The following HK2 variants were observed in gnomAD, a reference collection of about 807,000 sequenced individuals.
HK2 encodes hexokinase 2, also known as hexokinase-2.
A neutral mutation model predicts 92.9 loss-of-function variants in HK2; 42 were observed. That is an observed-to-expected ratio of 0.45 (90% CI 0.35 to 0.58). The LOEUF (loss-of-function observed/expected upper bound fraction) is 0.58. Ranked by LOEUF, HK2 falls within the 20% of genes least tolerant of loss-of-function variation. The pLI, the probability that HK2 is intolerant of heterozygous loss-of-function variation, is 0.00. For synonymous variants in HK2, 422 were observed against 468.0 expected, an observed-to-expected ratio of 0.90 and a Z score of 1.27; for missense variants, 978 against 1,245.1, an observed-to-expected ratio of 0.79 and a Z score of 3.23.
chr2:74,840,251 G>A (rs1257250690), intron 1 of HK2, among the ~76,000 whole-genome samples: 1 of 150,898 alleles, frequency 6.6e-6, no homozygotes, highest in Non-Finnish European at 1.5e-5. Context: ...GAGCCACCGC[G>A]CCAGGCATTT....
intron 2 of HK2, among the ~76,000 whole-genome samples, chr2:74,863,548 C>T (rs1039734958): frequency 2.0e-5 from 3 of 152,150 alleles, no homozygotes; most frequent in South Asian, 2.1e-4. Context: ...GTGATCATGG[C>T]GATTCCGGGT....
At chr2:74,875,402 C>T (rs940362360) in intron 7 of HK2, among the ~76,000 whole-genome samples, 18 of 144,566 alleles carry the variant, frequency 1.2e-4, no homozygotes, top group African/African-American at 4.3e-4. Context: ...AATCTTGGCT[C>T]ACCGCAATCT....
At chr2:74,862,650 T>G (rs1688856862) in intron 2 of HK2, among the ~76,000 whole-genome samples, 1 of 152,196 alleles carries the variant, frequency 6.6e-6, no homozygotes, top group African/African-American at 2.4e-5. Flanking sequence ...CATCCAGAGC[T>G]AGCACACAGC....
In HK2 at chr2:74,873,378, G is replaced by A. The variant is rs754005653; in HGVS notation, c.591+7G>A. 1.2e-5 allele frequency: 19 copies of A among 1,606,550 alleles called. No homozygotes were observed. Among genetic ancestry groups the A allele is most frequent in the East Asian group, 1.1e-4 (5 of 44,824 alleles). ...GGCCATCCAGAGGAGAGGGGTGAGT[G>A]GGGTGGCAGGAGCTTGGGGTCTGTG... is the stretch of plus-strand genomic sequence containing the variant. On this transcript the variant is annotated splice_region_variant and intron_variant, in intron 5 of 17. Transcript: ENST00000290573.
intron 1 of HK2, among the ~76,000 whole-genome samples, chr2:74,840,691 C>T (rs2103834108): frequency 7.2e-6 from 1 of 138,014 alleles, no homozygotes; most frequent in Middle Eastern, 3.6e-3. Flanking sequence ...CACGGTGAAA[C>T]CCCGTCTCTA....
chr2:74,847,964 T>C (rs943846275), intron 1 of HK2, among the ~76,000 whole-genome samples: 9 of 152,200 alleles, frequency 5.9e-5, no homozygotes, highest in African/African-American at 2.2e-4. Flanking sequence ...TTAAAAGTGA[T>C]AGAACTAAAC....
chr2:74,863,473 C>T (rs373649313), intron 2 of HK2, among the ~76,000 whole-genome samples: 26 of 152,226 alleles, frequency 1.7e-4, no homozygotes, highest in East Asian at 1.3e-3. Context: ...GAATGGTGGC[C>T]GGCATTGCAT....
At chr2:74,873,413 G>A (rs369509758) in intron 5 of HK2, 42 bp downstream of exon 5, 1 of 1,377,092 alleles carries the variant, frequency 7.3e-7, no homozygotes. Flanking sequence ...GGGCTTTTCT[G>A]GGTCCACCCT....
At chr2:74,874,634 A>C (rs1377370340) in intron 7 of HK2, among the ~76,000 whole-genome samples, 185 bp downstream of exon 7, 1 of 152,208 alleles carries the variant, frequency 6.6e-6, no homozygotes, top group Non-Finnish European at 1.5e-5. Flanking sequence ...GAGCAAGCGG[A>C]TATACCAGAT....
intron 2 of HK2, among the ~76,000 whole-genome samples, chr2:74,858,533 C>T (rs1461390814): frequency 6.6e-6 from 1 of 152,172 alleles, no homozygotes; most frequent in Non-Finnish European, 1.5e-5. Flanking sequence ...GTGACTTTCT[C>T]ACATGTGTTA....
rs1399805367 is a variant in HK2 at position 74,892,640 on chromosome 2, T to C, written c.*1699T>C. 2 of 152,190 alleles carry C rather than the reference T, an allele frequency of 1.3e-5. No individual in the cohort carries two copies. The highest frequency in any genetic ancestry group is 3.8e-4 in the East Asian group (2 of 5,200). 9.4% of individuals were successfully genotyped at this position (152,190 alleles called of 1,614,324 possible). A position where few individuals can be genotyped will look rare whatever the true frequency, so the allele number is the denominator to read the frequency against. ...GATAAAGAGGGATGTAACTATTGAATTGGATACAAGGATCAGAATGGAAAG... is the reference window on the plus strand; with the variant it reads ...GATAAAGAGGGATGTAACTATTGAACTGGATACAAGGATCAGAATGGAAAG... On this transcript the variant is annotated 3_prime_UTR_variant, in exon 18 of 18. Coordinates refer to ENST00000290573, the MANE Select transcript of HK2 (RefSeq NM_000189.5).
At position 74,886,514 on chromosome 2, in the gene HK2, T is replaced by C. The variant is rs757764574; in HGVS notation, c.2060T>C (p.Met687Thr). ...GGCACGGGCAGCAATGCCTGCTACA[T>C]GGAGGAGATGCGCAACGTGGAACTG... ...IVGTGSNACY[M>T]EEMRNVELVE... Residue 687 changes from methionine to threonine, a missense_variant, in exon 15 of 18, where the codon ATG becomes ACG. Physicochemically the swap from Met to Thr is moderately conservative, Grantham distance 81 (BLOSUM62 -1). Around this residue, in one of 3 missense-constraint regions of HK2, gnomAD observed 742 missense variants for 922.5 expected, o/e 0.80. Transcript: ENST00000290573. The C allele has an allele frequency of 8.1e-6, 13 of 1,613,780 alleles. 1 individual carries two copies. The Middle Eastern group carries it at 4.9e-4, about 61-fold the overall frequency.
chr2:74,860,123 A>G (rs901960328), intron 2 of HK2, among the ~76,000 whole-genome samples: 2 of 144,488 alleles, frequency 1.4e-5, no homozygotes, highest in Admixed American at 6.9e-5. Flanking sequence ...GTGTGTCCAC[A>G]TGGACATAGA....
At chr2:74,852,214 C>G (rs911318032) in intron 1 of HK2, among the ~76,000 whole-genome samples, 2 of 152,230 alleles carry the variant, frequency 1.3e-5, no homozygotes, top group Non-Finnish European at 2.9e-5. Flanking sequence ...TCAGGCTTTT[C>G]CTGGATGTGG....
At chr2:74,843,858 A>G (rs1002917474) in intron 1 of HK2, among the ~76,000 whole-genome samples, 6 of 152,056 alleles carry the variant, frequency 3.9e-5, no homozygotes, top group African/African-American at 7.2e-5. Context: ...TTTCCTCCCA[A>G]ACTTTTCTGT....
chr2:74,875,327 G>GGT (rs765185869), intron 7 of HK2, among the ~76,000 whole-genome samples: 1 of 112,066 alleles, frequency 8.9e-6, no homozygotes, highest in African/African-American at 3.5e-5. Flanking sequence ...CCTTGCTTTC[G>GGT]TTTTTTTTTT....
intron 4 of HK2, 136 bp from the exon 5 acceptor site, chr2:74,873,140 C>G: frequency 1.3e-6 from 1 of 762,620 alleles, no homozygotes; most frequent in African/African-American, 1.7e-5. Flanking sequence ...CTAGGCTAGC[C>G]AGGAAGTAAC....
At chr2:74,863,326 C>T (rs983121852) in intron 2 of HK2, among the ~76,000 whole-genome samples, 1 of 152,234 alleles carries the variant, frequency 6.6e-6, no homozygotes, top group Non-Finnish European at 1.5e-5. Context: ...CATTCTGTTG[C>T]TTAAAATGGT....
intron 3 of HK2, among the ~76,000 whole-genome samples, chr2:74,870,018 TTGA>T (rs1379728052): frequency 6.7e-6 from 1 of 148,770 alleles, no homozygotes; most frequent in African/African-American, 2.5e-5. Context: ...TTTTTTTTTT[TTGA>T]GACAGTCTCA....
Sources: allele counts gnomAD v4.1 joint callset (sites outside exome capture counted in the v4.1 genomes callset), GRCh38; gene constraint gnomAD v4.1.1; regional missense constraint gnomAD v4.1.1; transcripts MANE v1.5; gene names NCBI Gene and HGNC (gene_info 2026-07-23, HGNC 2026-07-21).